SH3RF3: variants seen among roughly 807,000 people sequenced by gnomAD.
The protein encoded by SH3RF3 is E3 ubiquitin-protein ligase SH3RF3.
SH3RF3 carries 29 observed loss-of-function variants against 66.3 expected under a neutral mutation model. The ratio of observed to expected loss-of-function variants is 0.44; its 90% CI spans 0.33 to 0.60. The LOEUF (loss-of-function observed/expected upper bound fraction) is 0.60, where lower values mean the gene tolerates loss of function less well. SH3RF3 is among the 20% of genes least tolerant of loss of function. The pLI is 0.04. For missense variants in SH3RF3, 1,194 were observed against 1,190.9 expected (o/e 1.00, Z -0.04); for synonymous variants, 583 against 532.0 (o/e 1.10, Z -1.32).
At chr2:109,256,254 G>A (rs754708153) in intron 1 of SH3RF3, among the ~76,000 whole-genome samples, 30 of 152,182 alleles carry the variant, frequency 2.0e-4, no homozygotes, top group Admixed American at 1.0e-3. Context: ...GACAGGTCGC[G>A]CATTGTTTCA....
chr2:109,202,409 A>G (rs34440886), intron 1 of SH3RF3, among the ~76,000 whole-genome samples: 63,192 of 152,044 alleles, frequency 0.42, 15,412 homozygotes, highest in Non-Finnish European at 0.56. Context: ...GCCCGAACTT[A>G]ATTGTACTTT....
chr2:109,279,959 C>G (rs1254480536), intron 1 of SH3RF3, among the ~76,000 whole-genome samples: 1 of 151,896 alleles, frequency 6.6e-6, no homozygotes, highest in Admixed American at 6.6e-5. Flanking sequence ...GGTGAGAGGG[C>G]CCCAAAAACA....
intron 5 of SH3RF3, among the ~76,000 whole-genome samples, chr2:109,430,213 G>A (rs562305390): frequency 3.5e-4 from 54 of 152,340 alleles, no homozygotes; most frequent in African/African-American, 1.3e-3. Flanking sequence ...GAGCCAACCC[G>A]GCTGCGCATT....
At chr2:109,192,192 C>T (rs759478292) in intron 1 of SH3RF3, among the ~76,000 whole-genome samples, 5 of 152,184 alleles carry the variant, frequency 3.3e-5, no homozygotes, top group Non-Finnish European at 5.9e-5. Flanking sequence ...CTCGTCCACT[C>T]CACAGGCTAC....
chr2:109,161,113 G>A (rs557609264), intron 1 of SH3RF3, among the ~76,000 whole-genome samples: 60 of 152,340 alleles, frequency 3.9e-4, no homozygotes, highest in African/African-American at 1.4e-3. Context: ...GAAGCCGTTT[G>A]AGGCTTCCTG....
chr2:109,197,697 C>T (rs1678539477), intron 1 of SH3RF3, among the ~76,000 whole-genome samples: 1 of 152,228 alleles, frequency 6.6e-6, no homozygotes, highest in Non-Finnish European at 1.5e-5. Flanking sequence ...TGCCAGGGCC[C>T]AGTAGGGCCG....
At chr2:109,424,778 T>C (rs949022660) in intron 5 of SH3RF3, among the ~76,000 whole-genome samples, 6 of 152,110 alleles carry the variant, frequency 3.9e-5, no homozygotes, top group African/African-American at 1.4e-4. Context: ...TCTCTTTCTC[T>C]CCCCAGGCCT....
intron 1 of SH3RF3, among the ~76,000 whole-genome samples, chr2:109,231,397 C>T (rs1679512845): frequency 6.6e-6 from 1 of 152,196 alleles, no homozygotes; most frequent in Non-Finnish European, 1.5e-5. Context: ...ATGTTGGCAG[C>T]CTTAGATCTG....
chr2:109,259,958 G>T (rs368573218), intron 1 of SH3RF3, among the ~76,000 whole-genome samples: 1 of 152,250 alleles, frequency 6.6e-6, no homozygotes, highest in East Asian at 1.9e-4. Context: ...GTTCTCAGAC[G>T]CCCAGGGGTT....
chr2:109,391,085 G>T (rs535723467), intron 3 of SH3RF3, among the ~76,000 whole-genome samples: 45 of 152,356 alleles, frequency 3.0e-4, no homozygotes, highest in Middle Eastern at 6.8e-3. Flanking sequence ...GTCCATAAGA[G>T]GGGGCTGAAA....
At chr2:109,473,793 G>GC (rs1322092360) in intron 8 of SH3RF3, among the ~76,000 whole-genome samples, 9 of 146,862 alleles carry the variant, frequency 6.1e-5, no homozygotes, top group African/African-American at 1.3e-4. Context: ...AGGCCTCTGA[G>GC]CCCCCCGTGC....
chr2:109,146,426 C>G (rs979842830), intron 1 of SH3RF3, among the ~76,000 whole-genome samples: 9 of 152,214 alleles, frequency 5.9e-5, no homozygotes, highest in African/African-American at 2.2e-4. Flanking sequence ...TCTGTGGAGT[C>G]TTCTTGCATC....
intron 4 of SH3RF3, among the ~76,000 whole-genome samples, chr2:109,412,285 T>C (rs1177917337): frequency 6.6e-6 from 1 of 152,248 alleles, no homozygotes; most frequent in Admixed American, 6.5e-5. Context: ...CATTGGAGTA[T>C]GGCTTGAGCA....
intron 1 of SH3RF3, among the ~76,000 whole-genome samples, chr2:109,280,143 C>A (rs1453039244): frequency 6.6e-6 from 1 of 152,168 alleles, no homozygotes; most frequent in Non-Finnish European, 1.5e-5. Context: ...TGCTGCAATG[C>A]TGTCAGAATC....
At chr2:109,275,694 A>G (rs1347257944) in intron 1 of SH3RF3, among the ~76,000 whole-genome samples, 1 of 152,152 alleles carries the variant, frequency 6.6e-6, no homozygotes, top group Admixed American at 6.5e-5. Context: ...GCGTCCTTTT[A>G]AAAGGTTCAT....
chr2:109,368,221 T>C (rs1683187147), intron 2 of SH3RF3, among the ~76,000 whole-genome samples: 1 of 152,270 alleles, frequency 6.6e-6, no homozygotes, highest in Admixed American at 6.5e-5. Context: ...TCATGTATCC[T>C]GCAAGTATTT....
At chr2:109,378,336 A>G (rs1007575462) in intron 3 of SH3RF3, among the ~76,000 whole-genome samples, 9 of 152,204 alleles carry the variant, frequency 5.9e-5, no homozygotes, top group African/African-American at 2.2e-4. Flanking sequence ...CAAGAACCAC[A>G]TAGGCAGTGG....
chr2:109,136,289 A>G (rs148448716), intron 1 of SH3RF3, among the ~76,000 whole-genome samples: 204 of 152,220 alleles, frequency 1.3e-3, no homozygotes, highest in African/African-American at 4.9e-3. Flanking sequence ...GCACCACTTG[A>G]AGAGGCCAAG....
At chr2:109,270,001 G>A (rs1680587429) in intron 1 of SH3RF3, among the ~76,000 whole-genome samples, 1 of 152,236 alleles carries the variant, frequency 6.6e-6, no homozygotes, top group South Asian at 2.1e-4. Context: ...GAAAGAGAAT[G>A]TGATGAAATA....
Sources: gnomAD v4.1 joint callset for allele counts (sites outside exome capture counted in the v4.1 genomes callset) on GRCh38, gnomAD v4.1.1 for gene constraint, MANE v1.5 for transcripts, NCBI Gene and HGNC (gene_info 2026-07-23, HGNC 2026-07-21) for gene names.